ANO10: variants seen among roughly 807,000 people sequenced by gnomAD.
ANO10 encodes the protein anoctamin-10.
A neutral mutation model predicts 74.7 loss-of-function variants in ANO10; 77 were observed. The observed-to-expected ratio is 1.03, with a 90% CI of 0.86 to 1.25. The LOEUF (loss-of-function observed/expected upper bound fraction) is 1.25, where lower values mean the gene tolerates loss of function less well. Among genes scored for constraint, ANO10 ranks in the 50% most tolerant of loss-of-function variants. The pLI, the probability that ANO10 is intolerant of heterozygous loss-of-function variation, is 0.00. For missense variants in ANO10, 721 were observed against 778.1 expected, an observed-to-expected ratio of 0.93 and a Z score of 0.87; for synonymous variants, 279 against 284.9, an observed-to-expected ratio of 0.98 and a Z score of 0.21.
rs766344882 is a variant in ANO10 at position 43,577,172 on chromosome 3, T to C, written c.682A>G (p.Ile228Val). The C allele has an allele frequency of 3.7e-6, 6 of 1,614,084 alleles. No individual in the cohort carries two copies. Among genetic ancestry groups the C allele is most frequent in the Non-Finnish European group, 5.1e-6 (6 of 1,180,008 alleles). The change falls in exon 6 of 13, where the codon ATT becomes GTT. Residue 228 changes from isoleucine (I) to valine (V), a missense_variant. Physicochemically the swap from Ile to Val is conservative, Grantham distance 29. Transcript: ENST00000292246. ...FTFALIPMAVIGLPYYLFVWE... is the reference protein window; with the variant it reads ...FTFALIPMAVVGLPYYLFVWE... ...ACAAACAAGTAGTAAGGTAACCCAA[T>C]GACAGCCATGGGGATTAATGCAAAA... is the stretch of plus-strand genomic sequence containing the variant.
intron 11 of ANO10, among the ~76,000 whole-genome samples, chr3:43,518,515 T>C (rs1275953730): frequency 6.6e-6 from 1 of 152,130 alleles, no homozygotes; most frequent in African/African-American, 2.4e-5. Context: ...ACAAGGGAGA[T>C]AACCATGGGG....
chr3:43,498,903 A>G (rs1193971099), intron 11 of ANO10, among the ~76,000 whole-genome samples: 1 of 152,212 alleles, frequency 6.6e-6, no homozygotes, highest in African/African-American at 2.4e-5. Context: ...ACACACATAT[A>G]TGATCGTTCA....
At chr3:43,426,763 C>G (rs952532167) in intron 12 of ANO10, among the ~76,000 whole-genome samples, 1 of 152,206 alleles carries the variant, frequency 6.6e-6, no homozygotes, top group African/African-American at 2.4e-5. Flanking sequence ...TATTTACTGT[C>G]TACAATTCTT....
chr3:43,646,950 T>G (rs1283721306), intron 1 of ANO10, among the ~76,000 whole-genome samples: 2 of 152,128 alleles, frequency 1.3e-5, no homozygotes, highest in African/African-American at 2.4e-5. Flanking sequence ...ATCTGGAAGG[T>G]AAAGACTGGC....
intron 12 of ANO10, among the ~76,000 whole-genome samples, chr3:43,389,860 A>G (rs912127961): frequency 2.0e-5 from 3 of 152,196 alleles, no homozygotes; most frequent in Non-Finnish European, 4.4e-5. Flanking sequence ...CCGGGCTGGG[A>G]GGAAGTGATG....
Position 43,612,566 on chromosome 3 carries a change from G to T in ANO10, c.-11-6703C>A, listed in dbSNP as rs142593424. ...TCTAAAGTGTTTTTCAGGTGACCCTGTCTAACCCAGTGATTCTCAACCAGG... is the reference window on the plus strand; with the variant it reads ...TCTAAAGTGTTTTTCAGGTGACCCTTTCTAACCCAGTGATTCTCAACCAGG... On this transcript the variant is annotated intron_variant, in intron 1 of 12. Coordinates refer to ENST00000292246, the MANE Select transcript of ANO10 (RefSeq NM_018075.5). Among the ~76,000 whole-genome samples, 547 of 152,208 alleles carry T rather than the reference G, an allele frequency of 3.6e-3. 4 individuals are homozygous for T. Among genetic ancestry groups the T allele is most frequent in the African/African-American group, 0.012 (518 of 41,550 alleles).
At chr3:43,477,148 TAGAGAA>T (rs1311500400) in intron 11 of ANO10, among the ~76,000 whole-genome samples, 18 of 152,204 alleles carry the variant, frequency 1.2e-4, no homozygotes, top group African/African-American at 4.3e-4. Flanking sequence ...GGTTTACAAA[TAGAGAA>T]ATCTTTCATT....
At chr3:43,476,566 C>T (rs1284203641) in intron 11 of ANO10, among the ~76,000 whole-genome samples, 1 of 152,306 alleles carries the variant, frequency 6.6e-6, no homozygotes, top group Non-Finnish European at 1.5e-5. Context: ...TAGAATGCAA[C>T]GGACACCACT....
intron 11 of ANO10, among the ~76,000 whole-genome samples, chr3:43,538,285 CAA>C (rs2078805124): frequency 6.6e-6 from 1 of 151,844 alleles, no homozygotes; most frequent in African/African-American, 2.4e-5. Context: ...TACACATTGA[CAA>C]ATATGAATTT....
At chr3:43,560,708 G>A (rs2079988400) in intron 9 of ANO10, among the ~76,000 whole-genome samples, 2 of 152,188 alleles carry the variant, frequency 1.3e-5, no homozygotes, top group Non-Finnish European at 2.9e-5. Context: ...TGATCTGCTT[G>A]TAGTTCCTAA....
chr3:43,662,049 A>G (rs1188100920), intron 1 of ANO10, among the ~76,000 whole-genome samples: 1 of 152,236 alleles, frequency 6.6e-6, no homozygotes, highest in Non-Finnish European at 1.5e-5. Context: ...ATCTGCACCA[A>G]GCGGACCTAA....
At chr3:43,618,585 G>A (rs1438026606) in intron 1 of ANO10, among the ~76,000 whole-genome samples, 3 of 152,030 alleles carry the variant, frequency 2.0e-5, no homozygotes, top group Admixed American at 1.3e-4. Context: ...GATCACACTT[G>A]GTAAAGAGTA....
chr3:43,392,340 T>A (rs534172744), intron 12 of ANO10, among the ~76,000 whole-genome samples: 2 of 152,314 alleles, frequency 1.3e-5, no homozygotes, highest in Non-Finnish European at 2.9e-5. Flanking sequence ...AAAATAAATA[T>A]CAGTGTAGGA....
At chr3:43,516,816 G>A (rs972487237) in intron 11 of ANO10, among the ~76,000 whole-genome samples, 15 of 152,280 alleles carry the variant, frequency 9.9e-5, no homozygotes, top group Admixed American at 2.6e-4. Context: ...CAGTTTCAAC[G>A]TGAGTAACAT....
At chr3:43,552,063 A>C (rs2079488570) in intron 10 of ANO10, among the ~76,000 whole-genome samples, 2 of 152,038 alleles carry the variant, frequency 1.3e-5, no homozygotes, top group African/African-American at 4.8e-5. Flanking sequence ...ATTTTGGTTT[A>C]TCTATAATGT....
chr3:43,685,757 G>A (rs189706170), intron 1 of ANO10, among the ~76,000 whole-genome samples: 49 of 152,284 alleles, frequency 3.2e-4, no homozygotes, highest in African/African-American at 1.2e-3. Context: ...TCTTGCAGCT[G>A]TTTATGGCTT....
At chr3:43,372,868 A>G in intron 12 of ANO10, 1 of 1,534,404 alleles carries the variant, frequency 6.5e-7, no homozygotes, top group Non-Finnish European at 8.7e-7. Context: ...AGCCAGAGAA[A>G]TTCTAATTTA....
chr3:43,561,423 C>A, intron 8 of ANO10, 21 bp from the exon 9 acceptor site: 1 of 1,610,362 alleles, frequency 6.2e-7, no homozygotes, highest in Non-Finnish European at 8.5e-7. Context: ...GCACACAAAT[C>A]ACATTTTGGG....
At chr3:43,506,933 A>T (rs144711724) in intron 11 of ANO10, among the ~76,000 whole-genome samples, 1 of 152,256 alleles carries the variant, frequency 6.6e-6, no homozygotes, top group East Asian at 1.9e-4. Flanking sequence ...CTTCCCCCCT[A>T]AAATACACTC....
Sources: allele counts gnomAD v4.1 joint callset (sites outside exome capture counted in the v4.1 genomes callset), GRCh38; gene constraint gnomAD v4.1.1; transcripts MANE v1.5; gene names NCBI Gene and HGNC (gene_info 2026-07-23, HGNC 2026-07-21).